Variants in PON2 observed in about 807,000 individuals in gnomAD.
PON2 encodes the protein serum paraoxonase/arylesterase 2.
A neutral mutation model predicts 36.6 loss-of-function variants in PON2; 27 were observed. That is an observed-to-expected ratio of 0.74 (90% CI 0.54 to 1.02). The LOEUF (loss-of-function observed/expected upper bound fraction) is 1.02, where lower values mean the gene tolerates loss of function less well. PON2 is among the 50% of genes least tolerant of loss of function. The pLI, the probability that PON2 is intolerant of heterozygous loss-of-function variation, is 0.00. For missense variants in PON2, 363 were observed against 421.1 expected (o/e 0.86, Z 1.21); for synonymous variants, 149 against 156.3 (o/e 0.95, Z 0.35).
In PON2 at chr7:95,412,368, C is replaced by T. The variant is rs1316626722; in HGVS notation, c.311G>A (p.Arg104His). The T allele has an allele frequency of 6.2e-6, 10 of 1,614,054 alleles. No individual in the cohort carries two copies. The highest frequency in any genetic ancestry group is 1.3e-5 in the African/African-American group (1 of 74,914). ...ATTGAATGAGGCCAAATCAAACCCACGACTGATTCTTAATTCCCGTGCCCT... is the reference window on the plus strand; with the variant it reads ...ATTGAATGAGGCCAAATCAAACCCATGACTGATTCTTAATTCCCGTGCCCT... ...KPRARELRISRGFDLASFNPH... is the reference protein window; with the variant it reads ...KPRARELRISHGFDLASFNPH... The change falls in exon 4 of 9, where the codon CGT becomes CAT. Residue 104 changes from arginine to histidine, a missense_variant. By Grantham distance (29) the Arg-to-His change is conservative. Coordinates refer to ENST00000222572, the MANE Select transcript of PON2 (RefSeq NM_000305.3).
chr7:95,417,942 C>A (rs1003117092), intron 2 of PON2, among the ~76,000 whole-genome samples: 10 of 151,754 alleles, frequency 6.6e-5, no homozygotes, highest in African/African-American at 2.4e-4. Flanking sequence ...AAATTTTCTA[C>A]AAAATTGTAT....
intron 1 of PON2, among the ~76,000 whole-genome samples, chr7:95,426,166 G>A (rs1346214267): frequency 6.6e-6 from 1 of 152,062 alleles, no homozygotes; most frequent in Non-Finnish European, 1.5e-5. Context: ...CTGGGTGATG[G>A]CATCAGTTGT....
chr7:95,407,135 A>C, intron 6 of PON2, 67 bp from the exon 7 acceptor site: 5 of 1,046,316 alleles, frequency 4.8e-6, no homozygotes, highest in Non-Finnish European at 7.4e-6. Flanking sequence ...ACAGTGTGAA[A>C]GAATAAGTCT....
chr7:95,405,411 T>C lies in PON2; in HGVS notation c.984A>G (p.Gln328=), dbSNP rs1186544816. Residue 328 remains glutamine, a synonymous_variant, in exon 9 of 9, where the codon CAA becomes CAG. Transcript: ENST00000222572. ...TVYANNGSVL[Q]GSSVASVYDG... is the part of the protein sequence containing the mutation. ...CATACACTGAGGCTACAGAACTTCC[T>C]TGGAGAACAGACCCATTGTTGGCAT... is the stretch of plus-strand genomic sequence containing the variant. 8.7e-6 allele frequency: 14 copies of C among 1,613,726 alleles called. No homozygotes were observed. The highest frequency in any genetic ancestry group is 1.6e-4 in the Middle Eastern group (1 of 6,080).
rs760739231 is a variant in PON2, at chr7:95,405,428, T to G, written c.967A>C (p.Asn323His). 12 of 1,613,686 alleles carry G rather than the reference T, an allele frequency of 7.4e-6. No individual in the cohort carries two copies. Among genetic ancestry groups the G allele is most frequent in the Admixed American group, 3.3e-5 (2 of 60,022 alleles). The change falls in exon 9 of 9, where the codon AAT becomes CAT. Residue 323 changes from asparagine (N) to histidine (H), a missense_variant. By Grantham distance (68) the Asn-to-His change is moderately conservative (BLOSUM62 1). Coordinates refer to ENST00000222572, the MANE Select transcript of PON2 (RefSeq NM_000305.3). ...KPTVTTVYANNGSVLQGSSVA... is the reference protein window; with the variant it reads ...KPTVTTVYANHGSVLQGSSVA... ...GAACTTCCTTGGAGAACAGACCCAT[T>G]GTTGGCATAAACTGTAGTCACTGTA...
chr7:95,411,300 G>A (rs1788916917), intron 5 of PON2, among the ~76,000 whole-genome samples: 1 of 152,172 alleles, frequency 6.6e-6, no homozygotes. Flanking sequence ...TCTGGGTGAT[G>A]AGTCATCTAA....
intron 1 of PON2, among the ~76,000 whole-genome samples, chr7:95,431,321 T>A (rs374173488): frequency 6.6e-6 from 1 of 152,138 alleles, no homozygotes; most frequent in African/African-American, 2.4e-5. Context: ...TATTGAATAA[T>A]CAAACAGTAG....
intron 1 of PON2, among the ~76,000 whole-genome samples, chr7:95,431,579 C>T (rs1332178464): frequency 6.6e-6 from 1 of 152,020 alleles, no homozygotes; most frequent in Non-Finnish European, 1.5e-5. Context: ...ACCACCACAC[C>T]TGGCTAATTT....
rs1307604504 is a variant in PON2, at chr7:95,409,423, T to A, written c.695+478A>T. On this transcript the variant is annotated intron_variant, in intron 6 of 8. Coordinates refer to ENST00000222572, the MANE Select transcript of PON2 (RefSeq NM_000305.3). The stretch of plus-strand genomic sequence containing the variant: ...GTATAAAATATTTTTTATGTAGAAC[T>A]CCCCACCCCTATACACATATCCATC... 7 of 151,952 alleles carry A rather than the reference T, an allele frequency of 4.6e-5. No individual in the cohort carries two copies. The East Asian group carries it at 5.8e-4, about 13-fold the overall frequency. 9.4% of individuals were successfully genotyped at this position (151,952 alleles called of 1,614,324 possible).
intron 1 of PON2, among the ~76,000 whole-genome samples, chr7:95,427,601 T>G (rs748899904): frequency 4.6e-5 from 7 of 152,082 alleles, no homozygotes; most frequent in Non-Finnish European, 1.0e-4. Flanking sequence ...ATAAAGTCAA[T>G]AGGGGGAGAT....
intron 3 of PON2, chr7:95,416,004 T>C (rs1220815000): frequency 4.6e-6 from 3 of 658,666 alleles, no homozygotes; most frequent in East Asian, 5.7e-5. Flanking sequence ...ACAGATTGCA[T>C]TGGAATATTT....
intron 6 of PON2, among the ~76,000 whole-genome samples, chr7:95,407,676 G>A (rs1809739072): frequency 6.6e-6 from 1 of 152,184 alleles, no homozygotes; most frequent in South Asian, 2.1e-4. Flanking sequence ...TGAACTCAGT[G>A]TTGCAGCAGA....
chr7:95,421,847 T>C (rs185130832), intron 2 of PON2, among the ~76,000 whole-genome samples: 46 of 152,358 alleles, frequency 3.0e-4, no homozygotes, highest in African/African-American at 1.1e-3. Context: ...AAGGTATTTG[T>C]AGAGAAACTC....
intron 2 of PON2, among the ~76,000 whole-genome samples, chr7:95,420,233 C>G (rs1206129765): frequency 6.6e-6 from 1 of 152,084 alleles, no homozygotes; most frequent in Admixed American, 6.6e-5. Context: ...TTTTTCCCCT[C>G]AATCTCCCAA....
chr7:95,407,032 A>C lies in PON2; in HGVS notation c.732T>G (p.Ile244Met). 2 of 1,598,318 alleles carry C rather than the reference A, an allele frequency of 1.3e-6. No homozygotes were observed. The change falls in exon 7 of 9, where the codon ATT becomes ATG. Residue 244 changes from isoleucine to methionine, a missense_variant. By Grantham distance (10) the Ile-to-Met change is conservative. Coordinates refer to ENST00000222572, the MANE Select transcript of PON2 (RefSeq NM_000305.3). ...TATTAGTGTGTTTTTCCAAAACATG[A>C]ATTTCATGAGCCAATATGTCAGCAA... is the stretch of plus-strand genomic sequence containing the variant. ...IYVADILAHE[I>M]HVLEKHTNMN... is the part of the protein sequence containing the mutation.
chr7:95,422,513 C>G (rs967527948), intron 2 of PON2, among the ~76,000 whole-genome samples: 1 of 152,212 alleles, frequency 6.6e-6, no homozygotes, highest in Admixed American at 6.5e-5. Flanking sequence ...ACATTATGTA[C>G]AAACATAAGT....
intron 4 of PON2, 140 bp from the exon 5 acceptor site, chr7:95,411,919 T>C: frequency 1.1e-6 from 1 of 894,022 alleles, no homozygotes; most frequent in South Asian, 1.5e-5. Context: ...TTCTCTGTCT[T>C]TCCTATTGCT....
In PON2 at chr7:95,406,018, G is replaced by C. The variant is rs563099186; in HGVS notation, c.906+101C>G. The C allele has an allele frequency of 2.1e-5, 29 of 1,351,956 alleles. No individual in the cohort carries two copies. The East Asian group carries it at 7.0e-4, about 33-fold the overall frequency. 83.7% of individuals were successfully genotyped at this position (1,351,956 alleles called of 1,614,324 possible). On this transcript the variant is annotated intron_variant, in intron 8 of 8. Transcript: ENST00000222572. ...CACGACATAAGCTTATTATATTATT[G>C]CTTTAAAATAACTAAACAAATCATC...
At position 95,428,065 on chromosome 7, in the gene PON2, TGCAGG is replaced by T. The variant is rs1789356603; in HGVS notation, c.75-3485_75-3481del. Among the ~76,000 whole-genome samples, 5 of 152,228 alleles carry T rather than the reference TGCAGG, an allele frequency of 3.3e-5. No individual in the cohort carries two copies. In the South Asian group the frequency reaches 1.0e-3, roughly 32 times the overall value. ...CATGGCTGTTGCCACTCTGCTGTCA[TGCAGG>T]AATTGCTAATCAATAACAGCACTCT... is the stretch of plus-strand genomic sequence containing the variant. On this transcript the variant is annotated intron_variant, in intron 1 of 8. Coordinates refer to ENST00000222572, the MANE Select transcript of PON2 (RefSeq NM_000305.3).
Sources: gnomAD v4.1 joint callset for allele counts (sites outside exome capture counted in the v4.1 genomes callset) on GRCh38, gnomAD v4.1.1 for gene constraint, MANE v1.5 for transcripts, NCBI Gene and HGNC (gene_info 2026-07-23, HGNC 2026-07-21) for gene names.